The following BRD9 variants were observed in gnomAD, a reference collection of about 807,000 sequenced individuals.
BRD9 encodes the protein bromodomain-containing protein 9.
Under a neutral mutation model 68.7 loss-of-function variants are expected in BRD9, and 47 were observed. The ratio of observed to expected loss-of-function variants is 0.68; its 90% CI spans 0.54 to 0.87. The LOEUF (loss-of-function observed/expected upper bound fraction) is 0.87, where lower values mean the gene tolerates loss of function less well. Ranked by LOEUF, BRD9 falls within the 40% of genes least tolerant of loss-of-function variation. The pLI, the probability that BRD9 is intolerant of heterozygous loss-of-function variation, is 0.00. For missense variants in BRD9, 670 were observed against 748.4 expected (o/e 0.90, Z 1.22); for synonymous variants, 313 against 293.9 (o/e 1.06, Z -0.67).
At chr5:891,452 T>G in intron 2 of BRD9, 165 bp from the exon 3 acceptor site, 2 of 1,325,610 alleles carry the variant, frequency 1.5e-6, no homozygotes, top group Non-Finnish European at 1.0e-6. Flanking sequence ...TGGCAGGGTC[T>G]GCTGAGGAAC....
intron 12 of BRD9, among the ~76,000 whole-genome samples, chr5:873,667 C>T (rs577198610): frequency 5.9e-5 from 9 of 152,290 alleles, no homozygotes; most frequent in Non-Finnish European, 7.3e-5. Context: ...CCTTGCTTGG[C>T]GCCCTGCAAA....
chr5:864,732 ACC>A (rs2150543222), intron 15 of BRD9, among the ~76,000 whole-genome samples, 164 bp from the exon 16 acceptor site: 2 of 152,192 alleles, frequency 1.3e-5, no homozygotes, highest in South Asian at 4.2e-4. Flanking sequence ...GTGTGTAGAG[ACC>A]CTGGAGCCAG....
At chr5:883,537 G>T (rs1163825357) in intron 8 of BRD9, 1 of 422,594 alleles carries the variant, frequency 2.4e-6, no homozygotes, top group East Asian at 6.9e-5. Context: ...CACAGTCGGT[G>T]GCCTATTATG....
chr5:868,926 G>A (rs907946445), intron 14 of BRD9: 1 of 190,908 alleles, frequency 5.2e-6, no homozygotes, highest in Admixed American at 5.9e-5. Context: ...GGTCAGAACA[G>A]CTCGGGGGCG....
At position 867,425 on chromosome 5, in the gene BRD9, G is replaced by A. The variant is rs145808000; in HGVS notation, c.1526-1844C>T. ...GTGGAGCTGTGAGAAAAGGGCCACC[G>A]TCCTCCAGACCTCAGAATGGTAGAT... is the stretch of plus-strand genomic sequence containing the variant. On this transcript the variant is annotated intron_variant, in intron 14 of 15. Transcript: ENST00000467963. Among the ~76,000 whole-genome samples the A allele has an allele frequency of 5.9e-5, 9 of 152,356 alleles. No homozygotes were observed. In the East Asian group the frequency reaches 9.6e-4, roughly 16 times the overall value.
At chr5:871,752 A>G (rs1750161149) in intron 12 of BRD9, among the ~76,000 whole-genome samples, 188 bp from the exon 13 acceptor site, 1 of 152,220 alleles carries the variant, frequency 6.6e-6, no homozygotes, top group Non-Finnish European at 1.5e-5. Flanking sequence ...TCACTGACCC[A>G]ACCACGCCCA....
intron 7 of BRD9, among the ~76,000 whole-genome samples, 179 bp downstream of exon 7, chr5:886,413 G>A (rs1445254784): frequency 6.6e-6 from 1 of 152,178 alleles, no homozygotes; most frequent in Admixed American, 6.5e-5. Flanking sequence ...AGTGCACGTG[G>A]CCGGTGGGCA....
chr5:892,351 C>T, intron 1 of BRD9: 1 of 809,876 alleles, frequency 1.2e-6, no homozygotes, highest in Non-Finnish European at 1.8e-6. Flanking sequence ...CTTCCCTAGT[C>T]TCCAGGACCG....
At chr5:876,361 T>C (rs1750931174) in intron 11 of BRD9, 149 bp from the exon 12 acceptor site, 2 of 592,662 alleles carry the variant, frequency 3.4e-6, no homozygotes, top group South Asian at 2.1e-5. Context: ...GAGTGGCTGA[T>C]AGTTTTCATT....
In BRD9 at chr5:885,504, T is replaced by C. The variant is rs921915985; in HGVS notation, c.833+1088A>G. 5.9e-5 allele frequency among the ~76,000 whole-genome samples: 9 copies of C among 152,178 alleles called. No individual in the cohort carries two copies. In the East Asian group the frequency reaches 7.7e-4, roughly 13 times the overall value. ...CAATGGAGGGCCGTGACCATCACAA[T>C]TGCCTCAAGGACGTTCAGTACCAAC... On this transcript the variant is annotated intron_variant, in intron 7 of 15. Transcript: ENST00000467963.
intron 14 of BRD9, among the ~76,000 whole-genome samples, chr5:866,692 G>A (rs1179026610): frequency 6.6e-6 from 1 of 152,144 alleles, no homozygotes; most frequent in East Asian, 1.9e-4. Context: ...AGAAATCTGT[G>A]GAACTTTGAA....
chr5:883,739 C>T (rs1403745599), intron 8 of BRD9, 199 bp downstream of exon 8: 3 of 697,228 alleles, frequency 4.3e-6, no homozygotes, highest in African/African-American at 1.8e-5. Flanking sequence ...ACACCAGCGG[C>T]AGCCCTGCCA....
intron 13 of BRD9, 39 bp from the exon 14 acceptor site, chr5:870,614 C>CA (rs1387586891): frequency 4.8e-6 from 7 of 1,472,898 alleles, no homozygotes; most frequent in Non-Finnish European, 6.6e-6. Flanking sequence ...ATTCAAACAT[C>CA]AAACGAAAAA....
chr5:872,407 G>A (rs7734702), intron 12 of BRD9, among the ~76,000 whole-genome samples: 195 of 152,282 alleles, frequency 1.3e-3, no homozygotes, highest in African/African-American at 4.5e-3. Context: ...TTCCCGAAAG[G>A]AATCTAACTG....
chr5:885,333 C>T (rs1752391964), intron 7 of BRD9, among the ~76,000 whole-genome samples: 1 of 152,242 alleles, frequency 6.6e-6, no homozygotes. Context: ...GCCAAGGCTG[C>T]AGGACCTGAG....
At chr5:868,160 T>C (rs1036217668) in intron 14 of BRD9, among the ~76,000 whole-genome samples, 1 of 152,240 alleles carries the variant, frequency 6.6e-6, no homozygotes, top group Non-Finnish European at 1.5e-5. Context: ...TGCTCCGCCA[T>C]GTGAAGACAT....
intron 5 of BRD9, 122 bp downstream of exon 5, chr5:888,899 C>T (rs181280152): frequency 2.4e-4 from 250 of 1,045,372 alleles, no homozygotes; most frequent in Non-Finnish European, 2.9e-4. Context: ...AAACATCATC[C>T]GAACACAGAA....
In BRD9 at chr5:886,596, T is replaced by A. The variant is rs140280603; in HGVS notation, c.829A>T (p.Ile277Phe). ...TGGTTTCCACAGAACCTTTACCTGA[T>A]AACTTCTCTACTCGGCTTTTTGGAT... ...KKSKKPSREV[I>F]SCMFEPEGNA... Residue 277 changes from isoleucine to phenylalanine, a missense_variant, in exon 7 of 16, where the codon ATC (isoleucine) becomes TTC (phenylalanine). By Grantham distance (21) the Ile-to-Phe change is conservative (BLOSUM62 0). Coordinates refer to ENST00000467963, the MANE Select transcript of BRD9 (RefSeq NM_023924.5). 4 of 1,613,386 alleles carry A rather than the reference T, an allele frequency of 2.5e-6. No homozygotes were observed. The African/African-American group carries it at 5.3e-5, about 22-fold the overall frequency.
intron 7 of BRD9, 90 bp from the exon 8 acceptor site, chr5:884,160 C>A: frequency 6.6e-7 from 1 of 1,518,854 alleles, no homozygotes; most frequent in South Asian, 1.2e-5. Flanking sequence ...CAGCTTCTAC[C>A]GACCCTGCCC....
Sources: gnomAD v4.1 joint callset for allele counts (sites outside exome capture counted in the v4.1 genomes callset) on GRCh38, gnomAD v4.1.1 for gene constraint, MANE v1.5 for transcripts, NCBI Gene and HGNC (gene_info 2026-07-23, HGNC 2026-07-21) for gene names.